MASP1: variants seen among roughly 807,000 people sequenced by gnomAD.
MASP1 encodes mannan-binding lectin serine protease 1.
A neutral mutation model predicts 77.1 loss-of-function variants in MASP1; 59 were observed. That is an observed-to-expected ratio of 0.77 (90% CI 0.62 to 0.95). The LOEUF (loss-of-function observed/expected upper bound fraction) is 0.95, where lower values mean the gene tolerates loss of function less well. Ranked by LOEUF, MASP1 falls within the 40% of genes least tolerant of loss-of-function variation. The pLI, the probability that MASP1 is intolerant of heterozygous loss-of-function variation, is 0.00. For missense variants in MASP1, 885 were observed against 912.9 expected, an observed-to-expected ratio of 0.97 and a Z score of 0.39; for synonymous variants, 362 against 354.5, an observed-to-expected ratio of 1.02 and a Z score of -0.24.
At chr3:187,281,767 G>A (rs1717430418) in intron 2 of MASP1, among the ~76,000 whole-genome samples, 3 of 152,176 alleles carry the variant, frequency 2.0e-5, no homozygotes, top group Non-Finnish European at 4.4e-5. Flanking sequence ...AAAGGACCAT[G>A]GGGATCATCT....
intron 1 of MASP1, among the ~76,000 whole-genome samples, chr3:187,288,522 C>T (rs1020913485): frequency 1.3e-5 from 2 of 152,160 alleles, no homozygotes; most frequent in Admixed American, 6.5e-5. Flanking sequence ...GTAATAATAA[C>T]GACTTCCCAC....
intron 8 of MASP1, chr3:187,243,952 A>G (rs1443966225): frequency 5.4e-6 from 2 of 367,822 alleles, no homozygotes; most frequent in Non-Finnish European, 1.0e-5. Context: ...TTTTACTTCT[A>G]GTTTTATTGT....
At position 187,251,755 on chromosome 3, in the gene MASP1, G is replaced by A; in HGVS notation, c.893-3C>T. ...CTGTAGCTCTGGGCACTCATTTCCT[G>A]GTGAGGAGCAAATGAAAGAACAGCA... On this transcript the variant is annotated splice_polypyrimidine_tract_variant and splice_region_variant and intron_variant, in intron 6 of 10. Transcript: ENST00000296280. 6.2e-7 allele frequency: 1 copy of A among 1,608,698 alleles called. No homozygotes were observed. Among genetic ancestry groups the A allele is most frequent in the Non-Finnish European group, 8.5e-7 (1 of 1,175,028 alleles).
chr3:187,283,828 T>G (rs145974233), intron 2 of MASP1, among the ~76,000 whole-genome samples: 1 of 152,224 alleles, frequency 6.6e-6, no homozygotes, highest in Non-Finnish European at 1.5e-5. Context: ...AAGAATGCCA[T>G]GATTTTGTGA....
At chr3:187,231,351 C>T (rs928808796), downstream of MASP1, among the ~76,000 whole-genome samples, 1 of 152,174 alleles carries the variant, frequency 6.6e-6, no homozygotes, top group African/African-American at 2.4e-5. Flanking sequence ...TCCATTTCCC[C>T]GTTTGCCATT....
At chr3:187,285,054 G>A (rs183393323) in intron 2 of MASP1, among the ~76,000 whole-genome samples, 6 of 152,198 alleles carry the variant, frequency 3.9e-5, no homozygotes, top group Non-Finnish European at 2.9e-5. Flanking sequence ...AGGTCTCCAC[G>A]TCTTTTTTAA....
intron 9 of MASP1, 187 bp downstream of exon 9, chr3:187,243,297 C>T: frequency 1.5e-6 from 1 of 676,514 alleles, no homozygotes; most frequent in Admixed American, 2.2e-5. Context: ...TGCATCTCCA[C>T]ATGGACACAG....
intron 12 of MASP1, chr3:187,226,199 A>G (rs1016132827): frequency 4.1e-5 from 24 of 586,270 alleles, no homozygotes; most frequent in Non-Finnish European, 6.1e-5. Context: ...GTGAAACTGA[A>G]GCATAGACTT....
In MASP1 at chr3:187,234,677, C is replaced by T. The variant is rs1234247565; in HGVS notation, c.*1007G>A. On this transcript the variant is annotated 3_prime_UTR_variant, in exon 11 of 11. Coordinates refer to ENST00000296280, the MANE Select transcript of MASP1 (RefSeq NM_139125.4). ...GCCCCAGGGATGCCAGGCAGCCTGG[C>T]AGGATTTGGGTGACTTCTAATGTGC... 2 of 1,287,222 alleles carry T rather than the reference C, an allele frequency of 1.6e-6. No individual in the cohort carries two copies. The highest frequency in any genetic ancestry group is 5.5e-5 in the East Asian group (1 of 18,020). 79.7% of individuals were successfully genotyped at this position (1,287,222 alleles called of 1,614,324 possible).
At chr3:187,256,600 C>A (rs1715097826) in intron 5 of MASP1, 64 bp downstream of exon 5, 1 of 1,527,158 alleles carries the variant, frequency 6.5e-7, no homozygotes, top group African/African-American at 1.4e-5. Context: ...TCCGCAATAT[C>A]AATTTTCCCA....
In MASP1 at chr3:187,235,698, G is replaced by A; in HGVS notation, c.2173C>T (p.Gln725Ter). The A allele has an allele frequency of 6.2e-7, 1 of 1,614,096 alleles. No homozygotes were observed. The highest frequency in any genetic ancestry group is 8.5e-7 in the Non-Finnish European group (1 of 1,180,016). Residue 725 changes from glutamine (Q) to a stop codon, truncating the protein, a stop_gained, in exon 11 of 11, where the codon CAG (glutamine) becomes TAG (stop). Coordinates refer to ENST00000296280, the MANE Select transcript of MASP1 (RefSeq NM_139125.4). LOFTEE classifies it high-confidence loss of function. ...AGTAAGTCAGCTCACCGTTCCACCTGGGGCTCCACAACACTTTGTGGTAAG... is the reference window on the plus strand; with the variant it reads ...AGTAAGTCAGCTCACCGTTCCACCTAGGGCTCCACAACACTTTGTGGTAAG... ...MGLPQSVVEPQVER is the reference protein window; with the variant it reads ...MGLPQSVVEP
At chr3:187,277,262 A>G (rs562068560) in intron 2 of MASP1, among the ~76,000 whole-genome samples, 1 of 152,246 alleles carries the variant, frequency 6.6e-6, no homozygotes, top group African/African-American at 2.4e-5. Context: ...TGTTCTGCCC[A>G]GGACTGTGCT....
downstream of MASP1, chr3:187,229,936 T>C: frequency 6.2e-7 from 1 of 1,612,666 alleles, no homozygotes; most frequent in South Asian, 1.1e-5. Context: ...GATCAGACTC[T>C]GGGCTCCATC....
intron 2 of MASP1, among the ~76,000 whole-genome samples, chr3:187,277,295 A>G (rs1041829128): frequency 6.6e-6 from 1 of 152,152 alleles, no homozygotes; most frequent in Non-Finnish European, 1.5e-5. Flanking sequence ...AAACACAGAC[A>G]TAGGCCCTGA....
chr3:187,234,409 T>C lies in MASP1; in HGVS notation c.*1275A>G, dbSNP rs1238165154. The C allele has an allele frequency of 1.6e-6, 2 of 1,287,196 alleles. No individual in the cohort carries two copies. The highest frequency in any genetic ancestry group is 1.0e-6 in the Non-Finnish European group (1 of 988,656). The allele number at this position is 1,287,196 out of a possible 1,614,324, so 79.7% of individuals were successfully genotyped here. On this transcript the variant is annotated 3_prime_UTR_variant, in exon 11 of 11. Transcript: ENST00000296280. ...TCAGGGAAGCTCTGAGTGCTCCAGC[T>C]AGAAGGAACCTGCAGGGGACCTTAT... is the stretch of plus-strand genomic sequence containing the variant.
At chr3:187,229,917 G>A (rs1185657050), downstream of MASP1, 1 of 1,613,892 alleles carries the variant, frequency 6.2e-7, no homozygotes, top group Non-Finnish European at 8.5e-7. Flanking sequence ...AGGGAGGGAG[G>A]GAGAGACAGA....
chr3:187,281,843 G>A (rs913838310), intron 2 of MASP1, among the ~76,000 whole-genome samples: 3 of 152,174 alleles, frequency 2.0e-5, no homozygotes, highest in African/African-American at 7.2e-5. Flanking sequence ...ATTTACCTGG[G>A]GGCCACATGG....
At chr3:187,259,572 A>C (rs761779249) in intron 4 of MASP1, among the ~76,000 whole-genome samples, 12 of 152,072 alleles carry the variant, frequency 7.9e-5, no homozygotes, top group Non-Finnish European at 1.8e-4. Flanking sequence ...TGAGTGAGAA[A>C]CCTTGCTCTG....
chr3:187,235,591 T>G lies in MASP1; in HGVS notation c.*93A>C. 6.3e-7 allele frequency: 1 copy of G among 1,593,464 alleles called. No individual in the cohort carries two copies. The highest frequency in any genetic ancestry group is 8.5e-7 in the Non-Finnish European group (1 of 1,176,662). On this transcript the variant is annotated 3_prime_UTR_variant, in exon 11 of 11. Coordinates refer to ENST00000296280, the MANE Select transcript of MASP1 (RefSeq NM_139125.4). ...GCCACCGCTAGGTCAGTGTGTTCCA[T>G]TCCATATGGTCTGATAAGTAATGTG...
Sources: allele counts gnomAD v4.1 joint callset (sites outside exome capture counted in the v4.1 genomes callset), GRCh38; gene constraint gnomAD v4.1.1; transcripts MANE v1.5; gene names NCBI Gene and HGNC (gene_info 2026-07-23, HGNC 2026-07-21).